KDM5A: variants seen among roughly 807,000 people sequenced by gnomAD.
The protein encoded by KDM5A is lysine demethylase 5A, also known as lysine-specific demethylase 5A.
KDM5A carries 42 observed loss-of-function variants against 193.5 expected under a neutral mutation model. That is an observed-to-expected ratio of 0.22 (90% CI 0.17 to 0.28). The LOEUF (loss-of-function observed/expected upper bound fraction) is 0.28. KDM5A is among the 10% of genes least tolerant of loss of function. The pLI, the probability that KDM5A is intolerant of heterozygous loss-of-function variation, is 1.00. For synonymous variants in KDM5A, 796 were observed against 718.1 expected (o/e 1.11, Z -1.73); for missense variants, 1,692 against 2,055.1 (o/e 0.82, Z 3.42).
intron 1 of KDM5A, among the ~76,000 whole-genome samples, chr12:387,778 C>A (rs189669356): frequency 6.6e-6 from 1 of 152,260 alleles, no homozygotes; most frequent in African/African-American, 2.4e-5. Context: ...AGCAAACAAT[C>A]TATAGGTGTT....
rs1004073385 is a variant in KDM5A at position 318,427 on chromosome 12, C to T, written c.2576G>A (p.Arg859His). The change falls in exon 19 of 28, where the codon CGT becomes CAT. Residue 859 changes from arginine to histidine, a missense_variant. Transcript: ENST00000399788. ...LLDDVEEFHE[R>H]AQEAMMDETP... Reference sequence around the variant, plus strand: ...TTCATCCATCATGGCCTCCTGAGCACGTTCATGAAACTCTTCCACATCATC... The same window carrying T: ...TTCATCCATCATGGCCTCCTGAGCATGTTCATGAAACTCTTCCACATCATC... The T allele has an allele frequency of 4.3e-6, 7 of 1,613,820 alleles. No homozygotes were observed. In the East Asian group the frequency reaches 1.1e-4, roughly 26 times the overall value.
intron 24 of KDM5A, among the ~76,000 whole-genome samples, chr12:305,950 A>C (rs1348248050): frequency 6.7e-6 from 1 of 150,354 alleles, no homozygotes; most frequent in Non-Finnish European, 1.5e-5. Flanking sequence ...GCAGAGCAAA[A>C]GACTCTAGCA....
rs1943149671 is a variant in KDM5A at position 281,037 on chromosome 12, T to C, written c.*4419A>G. On this transcript the variant is annotated 3_prime_UTR_variant, in exon 28 of 28. Coordinates refer to ENST00000399788, the MANE Select transcript of KDM5A (RefSeq NM_001042603.3). ...AATGTACTTTTGCTTGGTTACCATT[T>C]AAAGTTGCCACCAATGTAAATGACA... is the stretch of plus-strand genomic sequence containing the variant. 4.3e-6 allele frequency: 1 copy of C among 232,882 alleles called. No homozygotes were observed. The highest frequency in any genetic ancestry group is 2.2e-5 in the African/African-American group (1 of 45,326). The allele number at this position is 232,882 out of a possible 1,614,324, so 14.4% of individuals were successfully genotyped here.
chr12:288,702 T>G (rs1435110779), intron 27 of KDM5A, among the ~76,000 whole-genome samples: 1 of 152,252 alleles, frequency 6.6e-6, no homozygotes, highest in African/African-American at 2.4e-5. Flanking sequence ...TAGCAAAAGC[T>G]GGATTTGAAA....
At chr12:382,623 T>C (rs774213794) in intron 3 of KDM5A, among the ~76,000 whole-genome samples, 3 of 152,224 alleles carry the variant, frequency 2.0e-5, no homozygotes, top group Non-Finnish European at 4.4e-5. Flanking sequence ...ATTTGTATTA[T>C]TGTAGTAACA....
rs765503413 is a variant in KDM5A at position 352,334 on chromosome 12, A to C, written c.1030-10T>G. On this transcript the variant is annotated splice_polypyrimidine_tract_variant and intron_variant, in intron 8 of 27. Coordinates refer to ENST00000399788, the MANE Select transcript of KDM5A (RefSeq NM_001042603.3). The stretch of plus-strand genomic sequence containing the variant: ...GAGGTTTGCTACATTCCTGGAAAGA[A>C]AAAATATGTAAGATTAACTTACTGA... 14 of 1,612,094 alleles carry C rather than the reference A, an allele frequency of 8.7e-6. No homozygotes were observed. The Admixed American group carries it at 1.8e-4, about 21-fold the overall frequency.
chr12:370,013 T>C lies in KDM5A; in HGVS notation c.367-3909A>G, dbSNP rs187291508. On this transcript the variant is annotated intron_variant, in intron 3 of 27. Coordinates refer to ENST00000399788, the MANE Select transcript of KDM5A (RefSeq NM_001042603.3). The stretch of plus-strand genomic sequence containing the variant: ...TACTTTGGCTCCACGCATACAATAC[T>C]CTAACAATCTAACCAAAAAACACAC... Among the ~76,000 whole-genome samples, 66 of 152,236 alleles carry C rather than the reference T, an allele frequency of 4.3e-4. 2 individuals are homozygous for C. Among genetic ancestry groups the C allele is most frequent in the African/African-American group, 1.4e-3 (60 of 41,502 alleles).
intron 19 of KDM5A, among the ~76,000 whole-genome samples, chr12:315,481 C>T (rs1943640959): frequency 6.6e-6 from 1 of 152,048 alleles, no homozygotes; most frequent in Non-Finnish European, 1.5e-5. Flanking sequence ...GCCTGAGGCA[C>T]GAGAATTGCT....
In KDM5A at chr12:287,036, A is replaced by C. The variant is rs540890543; in HGVS notation, c.4867-1374T>G. Among the ~76,000 whole-genome samples the C allele has an allele frequency of 2.0e-5, 3 of 152,226 alleles. No individual in the cohort carries two copies. In the South Asian group the frequency reaches 6.2e-4, roughly 32 times the overall value. The stretch of plus-strand genomic sequence containing the variant: ...CAAGATTACCGAGAGGATCCAATGA[A>C]ATAATGTATGGCAAAACACCTAATT... On this transcript the variant is annotated intron_variant, in intron 27 of 27. Transcript: ENST00000399788.
chr12:384,293 G>A, intron 2 of KDM5A, 140 bp from the exon 3 acceptor site: 1 of 699,524 alleles, frequency 1.4e-6, no homozygotes, highest in Admixed American at 2.0e-5. Context: ...CAGGAGGTGA[G>A]CAGCGGCAGT....
chr12:331,685 A>G (rs1016200779), intron 13 of KDM5A, 134 bp downstream of exon 13: 9 of 872,244 alleles, frequency 1.0e-5, no homozygotes, highest in Non-Finnish European at 1.4e-5. Flanking sequence ...CTAAACTACA[A>G]TAGCCACTCC....
chr12:384,254 A>AGCG, intron 2 of KDM5A, 101 bp from the exon 3 acceptor site: 1 of 883,764 alleles, frequency 1.1e-6, no homozygotes, highest in Non-Finnish European at 1.9e-6. Context: ...AGTACCCATC[A>AGCG]GCGGCCTGTT....
At chr12:306,841 C>T (rs540417470) in intron 24 of KDM5A, 105 bp downstream of exon 24, 1 of 1,094,956 alleles carries the variant, frequency 9.1e-7, no homozygotes. Context: ...GATTAGTTTT[C>T]TCTTTCACTT....
At chr12:382,878 G>A (rs1944592273) in intron 3 of KDM5A, among the ~76,000 whole-genome samples, 1 of 152,026 alleles carries the variant, frequency 6.6e-6, no homozygotes, top group Non-Finnish European at 1.5e-5. Context: ...GTTGCAGTGA[G>A]CCAAGATCAG....
chr12:389,111 G>T lies in KDM5A; in HGVS notation c.-20C>A, dbSNP rs764749085. The T allele has an allele frequency of 7.5e-6, 12 of 1,603,580 alleles. No individual in the cohort carries two copies. In the Middle Eastern group the frequency reaches 5.2e-4, roughly 69 times the overall value. On this transcript the variant is annotated 5_prime_UTR_variant, in exon 1 of 28. Transcript: ENST00000399788. ...CGCCATTGCAACGGCCGGGGGGGGGGGGGGGTCCCCGTGGGGAACCGGTGG... is the reference window on the plus strand; with the variant it reads ...CGCCATTGCAACGGCCGGGGGGGGGTGGGGGTCCCCGTGGGGAACCGGTGG...
intron 13 of KDM5A, 52 bp from the exon 14 acceptor site, chr12:329,081 C>T: frequency 2.0e-6 from 3 of 1,473,366 alleles, no homozygotes; most frequent in Non-Finnish European, 2.8e-6. Flanking sequence ...TATCCCAGCA[C>T]AGAACCACTA....
chr12:358,537 T>C (rs1944253988), intron 5 of KDM5A, among the ~76,000 whole-genome samples: 1 of 152,216 alleles, frequency 6.6e-6, no homozygotes, highest in African/African-American at 2.4e-5. Flanking sequence ...CTAAGTACTT[T>C]AATCAATTAG....
chr12:307,244 C>T lies in KDM5A; in HGVS notation c.3931-155G>A, dbSNP rs139396892. On this transcript the variant is annotated intron_variant, in intron 23 of 27. Coordinates refer to ENST00000399788, the MANE Select transcript of KDM5A (RefSeq NM_001042603.3). This position sits in a 1 kb window ranked among gnomAD's most constrained non-coding sequence, Gnocchi z 4.3. ...GAAATCAAATTATTTGATTATGATG[C>T]CAAAGTCCACCTGAATGATATTACC... 7.2e-5 allele frequency among the ~76,000 whole-genome samples: 11 copies of T among 152,220 alleles called. No homozygotes were observed. The East Asian group carries it at 9.6e-4, about 13-fold the overall frequency.
rs1426256962 is a variant in KDM5A, at chr12:284,650, G to A, written c.*806C>T. 4.4e-6 allele frequency: 1 copy of A among 224,816 alleles called. No individual in the cohort carries two copies. The highest frequency in any genetic ancestry group is 8.7e-6 in the Non-Finnish European group (1 of 115,196). 13.9% of individuals were successfully genotyped at this position (224,816 alleles called of 1,614,324 possible). A position where few individuals can be genotyped will look rare whatever the true frequency, so the allele number is the denominator to read the frequency against. On this transcript the variant is annotated 3_prime_UTR_variant, in exon 28 of 28. Transcript: ENST00000399788. Reference sequence around the variant, plus strand: ...GTCATCTTCTTCTCTTTTTTTTTTTGGCAGAAGCCTGGATCCATGTACCTG... The same window carrying A: ...GTCATCTTCTTCTCTTTTTTTTTTTAGCAGAAGCCTGGATCCATGTACCTG...
Sources: allele counts gnomAD v4.1 joint callset (sites outside exome capture counted in the v4.1 genomes callset), GRCh38; gene constraint gnomAD v4.1.1; non-coding constraint Gnocchi (gnomAD v3.1); transcripts MANE v1.5; gene names NCBI Gene and HGNC (gene_info 2026-07-23, HGNC 2026-07-21).